Variants in TAF3 observed in about 807,000 individuals in gnomAD.
TAF3 encodes transcription initiation factor TFIID subunit 3.
A neutral mutation model predicts 80.6 loss-of-function variants in TAF3; 7 were observed. That is an observed-to-expected ratio of 0.09 (90% CI 0.05 to 0.16). The LOEUF (loss-of-function observed/expected upper bound fraction) is 0.16, where lower values mean the gene tolerates loss of function less well. Ranked by LOEUF, TAF3 falls within the 10% of genes least tolerant of loss-of-function variation. The pLI, the probability that TAF3 is intolerant of heterozygous loss-of-function variation, is 1.00. For synonymous variants in TAF3, 444 were observed against 446.1 expected, an observed-to-expected ratio of 1.00 and a Z score of 0.06; for missense variants, 921 against 1,140.2, an observed-to-expected ratio of 0.81 and a Z score of 2.77.
intron 2 of TAF3, among the ~76,000 whole-genome samples, chr10:7,918,837 C>G (rs1237040140): frequency 6.6e-6 from 1 of 152,070 alleles, no homozygotes; most frequent in African/African-American, 2.4e-5. Flanking sequence ...CCCTTTCATT[C>G]CAAGATGTTT....
chr10:7,950,412 C>T (rs1464642501), intron 2 of TAF3, among the ~76,000 whole-genome samples: 1 of 152,132 alleles, frequency 6.6e-6, no homozygotes, highest in Admixed American at 6.5e-5. Context: ...GAAAGTTCCT[C>T]ACGTGGCTAG....
chr10:7,863,735 A>G, intron 2 of TAF3, among the ~76,000 whole-genome samples: 1 of 145,986 alleles, frequency 6.8e-6, no homozygotes, highest in Non-Finnish European at 1.5e-5. Context: ...ATATATATAC[A>G]CATATATATA....
intron 2 of TAF3, among the ~76,000 whole-genome samples, chr10:7,938,486 T>C (rs1027945623): frequency 9.2e-5 from 14 of 152,216 alleles, no homozygotes; most frequent in Middle Eastern, 6.8e-3. Context: ...TGACTAGATA[T>C]GGATGGTGAG....
Position 7,964,145 on chromosome 10 carries a change from C to T in TAF3, c.635C>T (p.Ala212Val), listed in dbSNP as rs761525965. Reference protein sequence around the residue: ...GDTLDVVLLEAREPLSSINTQ... With the variant: ...GDTLDVVLLEVREPLSSINTQ... ...ACGCTAGATGTTGTGTTATTGGAAG[C>T]TCGAGAGCCACTCAGCTCAATAAAT... Residue 212 changes from alanine to valine, a missense_variant, in exon 3 of 7, where the codon GCT becomes GTT. Transcript: ENST00000344293. This position sits in a 1 kb window ranked among gnomAD's most constrained non-coding sequence, Gnocchi z 4.1. 1 of 1,614,134 alleles carries T rather than the reference C, an allele frequency of 6.2e-7. No individual in the cohort carries two copies.
At chr10:8,011,097 C>T (rs1832050790) in intron 5 of TAF3, among the ~76,000 whole-genome samples, 1 of 152,132 alleles carries the variant, frequency 6.6e-6, no homozygotes, top group Non-Finnish European at 1.5e-5. Flanking sequence ...GAGCCATTGC[C>T]ATTGCTGTGA....
At chr10:8,011,270 T>C (rs1832053247) in intron 5 of TAF3, among the ~76,000 whole-genome samples, 5 of 152,176 alleles carry the variant, frequency 3.3e-5, no homozygotes, top group Admixed American at 2.6e-4. Flanking sequence ...TCTTTTTTTC[T>C]TTTGAGGTAG....
chr10:7,974,851 G>A (rs1831655355), intron 3 of TAF3, among the ~76,000 whole-genome samples: 3 of 151,946 alleles, frequency 2.0e-5, no homozygotes, highest in Non-Finnish European at 4.4e-5. Flanking sequence ...CGAGGCGGGC[G>A]GATCACGAGG....
chr10:7,950,925 C>A (rs1838076010), intron 2 of TAF3, among the ~76,000 whole-genome samples: 1 of 152,174 alleles, frequency 6.6e-6, no homozygotes. Flanking sequence ...TGATGTGCCT[C>A]ATAGAGAAAA....
At chr10:7,863,946 G>A (rs1461760641) in intron 2 of TAF3, among the ~76,000 whole-genome samples, 3 of 151,854 alleles carry the variant, frequency 2.0e-5, no homozygotes, top group Non-Finnish European at 4.4e-5. Context: ...TTTAAGAACA[G>A]TTTTAGATTC....
chr10:7,905,372 A>G (rs1837598346), intron 2 of TAF3, among the ~76,000 whole-genome samples: 1 of 152,202 alleles, frequency 6.6e-6, no homozygotes, highest in African/African-American at 2.4e-5. Context: ...ATTCAAATAA[A>G]TTATTAAGTA....
At chr10:7,905,282 A>G (rs181359241) in intron 2 of TAF3, among the ~76,000 whole-genome samples, 30 of 152,308 alleles carry the variant, frequency 2.0e-4, no homozygotes, top group Admixed American at 2.6e-4. Flanking sequence ...CGCTGCCTTG[A>G]CTATAAATAG....
intron 2 of TAF3, among the ~76,000 whole-genome samples, chr10:7,825,303 G>T (rs936805992): frequency 3.9e-5 from 6 of 152,204 alleles, no homozygotes; most frequent in African/African-American, 1.4e-4. Flanking sequence ...CAATGCAAAT[G>T]ATGCCAGCAA....
At chr10:7,997,712 T>A (rs1456598887) in intron 4 of TAF3, among the ~76,000 whole-genome samples, 1 of 152,204 alleles carries the variant, frequency 6.6e-6, no homozygotes, top group Non-Finnish European at 1.5e-5. Flanking sequence ...TGGGCGGTAT[T>A]GGTTTCTCTG....
intron 2 of TAF3, among the ~76,000 whole-genome samples, chr10:7,949,401 A>T (rs768273666): frequency 6.6e-6 from 1 of 152,234 alleles, no homozygotes; most frequent in Non-Finnish European, 1.5e-5. Context: ...GGTGTCTTAT[A>T]TATAAGTGGA....
intron 4 of TAF3, among the ~76,000 whole-genome samples, chr10:7,989,972 AT>A (rs1281382759): frequency 6.6e-6 from 1 of 152,220 alleles, no homozygotes; most frequent in Non-Finnish European, 1.5e-5. Flanking sequence ...GTTTATTATA[AT>A]TAGAAGATCT....
intron 2 of TAF3, among the ~76,000 whole-genome samples, chr10:7,860,336 A>C (rs1837131727): frequency 6.6e-6 from 1 of 152,156 alleles, no homozygotes; most frequent in Non-Finnish European, 1.5e-5. Flanking sequence ...AAGCGTTTGA[A>C]AATTAGTTTT....
chr10:7,876,757 C>A (rs1443747729), intron 2 of TAF3, among the ~76,000 whole-genome samples: 2 of 152,168 alleles, frequency 1.3e-5, no homozygotes, highest in African/African-American at 2.4e-5. Context: ...ATTATTTCCA[C>A]TGAAGTTGTC....
In TAF3 at chr10:7,888,187, G is replaced by C. The variant is rs144788034; in HGVS notation, c.409+63627G>C. On this transcript the variant is annotated intron_variant, in intron 2 of 6. Transcript: ENST00000344293. Reference sequence around the variant, plus strand: ...CTGAACGCTGTCTTCCTCTAGGCCAGGATCTACACCCCTTCCTTGTTTTAC... The same window carrying C: ...CTGAACGCTGTCTTCCTCTAGGCCACGATCTACACCCCTTCCTTGTTTTAC... 6.8e-3 allele frequency among the ~76,000 whole-genome samples: 562 copies of C among 82,424 alleles called. 4 individuals are homozygous for C. Among genetic ancestry groups the C allele is most frequent in the South Asian group, 0.033 (96 of 2,920 alleles). 54.1% of individuals were successfully genotyped at this position (82,424 alleles called of 152,430 possible). A position where few individuals can be genotyped will look rare whatever the true frequency, so the allele number is the denominator to read the frequency against.
At chr10:7,942,680 G>A (rs1026280559) in intron 2 of TAF3, among the ~76,000 whole-genome samples, 5 of 152,202 alleles carry the variant, frequency 3.3e-5, no homozygotes, top group East Asian at 1.9e-4. Context: ...CCCAAGAAGC[G>A]CTGGGGAATG....
Sources: gnomAD v4.1 joint callset for allele counts (sites outside exome capture counted in the v4.1 genomes callset) on GRCh38, gnomAD v4.1.1 for gene constraint, Gnocchi (gnomAD v3.1) non-coding constraint, MANE v1.5 for transcripts, NCBI Gene and HGNC (gene_info 2026-07-23, HGNC 2026-07-21) for gene names.